The following CAVIN1 variants were observed in gnomAD, a reference collection of about 807,000 sequenced individuals.
The protein encoded by CAVIN1 is caveolae associated protein 1.
CAVIN1 carries 16 observed loss-of-function variants against 24.0 expected under a neutral mutation model. The ratio of observed to expected loss-of-function variants is 0.67; its 90% CI spans 0.45 to 1.01. The LOEUF (loss-of-function observed/expected upper bound fraction) is 1.01, where lower values mean the gene tolerates loss of function less well. Among genes scored for constraint, CAVIN1 ranks in the 50% least tolerant of loss-of-function variants. CAVIN1 has a pLI of 0.00. For missense variants in CAVIN1, 510 were observed against 551.7 expected (o/e 0.92, Z 0.76); for synonymous variants, 256 against 256.4 (o/e 1.00, Z 0.02).
At chr17:42,417,049 T>C (rs2085516130) in intron 1 of CAVIN1, among the ~76,000 whole-genome samples, 1 of 152,142 alleles carries the variant, frequency 6.6e-6, no homozygotes, top group Admixed American at 6.6e-5. Flanking sequence ...CTGGTCCATA[T>C]GTAGGTCACT....
chr17:42,410,987 G>T (rs1187003873), intron 1 of CAVIN1, among the ~76,000 whole-genome samples: 1 of 146,454 alleles, frequency 6.8e-6, no homozygotes, highest in South Asian at 2.2e-4. Flanking sequence ...TGGGAGGCGG[G>T]GCAGATCACC....
intron 1 of CAVIN1, among the ~76,000 whole-genome samples, chr17:42,419,528 C>G (rs998581436): frequency 6.6e-6 from 1 of 152,042 alleles, no homozygotes; most frequent in Non-Finnish European, 1.5e-5. Flanking sequence ...CCAGGCTGGT[C>G]TCGAACTACT....
At chr17:42,410,165 G>A in intron 1 of CAVIN1, among the ~76,000 whole-genome samples, 1 of 152,176 alleles carries the variant, frequency 6.6e-6, no homozygotes, top group East Asian at 1.9e-4. Context: ...AGGGAGAAGG[G>A]ACAGATGCCA....
intron 1 of CAVIN1, among the ~76,000 whole-genome samples, chr17:42,420,376 C>T (rs1272986465): frequency 3.3e-5 from 5 of 152,216 alleles, no homozygotes; most frequent in Non-Finnish European, 5.9e-5. Flanking sequence ...TTTCCTCCAG[C>T]AGCCGGGTCC....
chr17:42,420,733 C>T (rs2085539947), intron 1 of CAVIN1, among the ~76,000 whole-genome samples: 1 of 152,172 alleles, frequency 6.6e-6, no homozygotes, highest in Non-Finnish European at 1.5e-5. Flanking sequence ...CCCTCCATAC[C>T]TTTCCCTCTT....
In CAVIN1 at chr17:42,405,191, G is replaced by A. The variant is rs887456000; in HGVS notation, c.669C>T (p.Arg223=). Residue 223 remains arginine (R), a synonymous_variant, in exon 2 of 2, where the codon CGC becomes CGT. Transcript: ENST00000357037. Reference sequence around the variant, plus strand: ...AGTCGTCCACGCGCCGCAGGCCGCTGCGCTTGATACGCTCTGCGCGGGACT... The same window carrying A: ...AGTCGTCCACGCGCCGCAGGCCGCTACGCTTGATACGCTCTGCGCGGGACT... The part of the protein sequence containing the change: ...IEESRAERIK[R]SGLRRVDDFK... The A allele has an allele frequency of 1.9e-6, 3 of 1,614,078 alleles. No individual in the cohort carries two copies. The highest frequency in any genetic ancestry group is 2.5e-6 in the Non-Finnish European group (3 of 1,180,002).
In CAVIN1 at chr17:42,404,441, A is replaced by G; in HGVS notation, c.*246T>C. ...CTCTGAGATCCCGACTTGGACAACC[A>G]GGACAGGGATTGACCATTCCCTTCC... On this transcript the variant is annotated 3_prime_UTR_variant, in exon 2 of 2. Transcript: ENST00000357037. 2 of 367,474 alleles carry G rather than the reference A, an allele frequency of 5.4e-6. No homozygotes were observed. Among genetic ancestry groups the G allele is most frequent in the Non-Finnish European group, 9.7e-6 (2 of 205,256 alleles). 22.8% of individuals were successfully genotyped at this position (367,474 alleles called of 1,614,324 possible).
chr17:42,421,824 A>C (rs1034248263), intron 1 of CAVIN1, among the ~76,000 whole-genome samples: 2 of 151,976 alleles, frequency 1.3e-5, no homozygotes, highest in African/African-American at 4.8e-5. Flanking sequence ...CACCTCGCCC[A>C]GACTGCGCCC....
chr17:42,405,696 T>TGTTTG (rs1304235747), intron 1 of CAVIN1, among the ~76,000 whole-genome samples: 3 of 37,866 alleles, frequency 7.9e-5, no homozygotes, highest in African/African-American at 1.5e-4. Flanking sequence ...TTTTTTTTTT[T>TGTTTG]TTTTTTTTTA....
intron 1 of CAVIN1, among the ~76,000 whole-genome samples, chr17:42,415,597 G>C (rs1384805061): frequency 2.0e-5 from 3 of 152,204 alleles, no homozygotes; most frequent in Middle Eastern, 3.4e-3. Context: ...TGTAGTCCTA[G>C]CTACTTGGGG....
chr17:42,405,565 G>A (rs2085439405), intron 1 of CAVIN1, among the ~76,000 whole-genome samples, 177 bp from the exon 2 acceptor site: 1 of 152,014 alleles, frequency 6.6e-6, no homozygotes, highest in South Asian at 2.1e-4. Context: ...TAGCGCTGTG[G>A]GAGACCGAGG....
In CAVIN1 at chr17:42,403,093, C is replaced by G. The variant is rs987418178; in HGVS notation, c.*1594G>C. On this transcript the variant is annotated 3_prime_UTR_variant, in exon 2 of 2. Coordinates refer to ENST00000357037, the MANE Select transcript of CAVIN1 (RefSeq NM_012232.6). ...GAAGGATTTTTTCCTTTTTAAACAG[C>G]GTATCACTCTGTTGCCTAGGATGGA... The G allele has an allele frequency of 6.6e-6, 1 of 152,266 alleles. No homozygotes were observed. Among genetic ancestry groups the G allele is most frequent in the Non-Finnish European group, 1.5e-5 (1 of 68,114 alleles). 9.4% of individuals were successfully genotyped at this position (152,266 alleles called of 1,614,324 possible).
chr17:42,417,034 T>C (rs1178655379), intron 1 of CAVIN1, among the ~76,000 whole-genome samples: 1 of 152,168 alleles, frequency 6.6e-6, no homozygotes, highest in Non-Finnish European at 1.5e-5. Flanking sequence ...GATGGGCCTT[T>C]GCTGCTGGTC....
chr17:42,417,315 G>A (rs1303325891), intron 1 of CAVIN1, among the ~76,000 whole-genome samples: 1 of 152,018 alleles, frequency 6.6e-6, no homozygotes, highest in Non-Finnish European at 1.5e-5. Context: ...TATTAGCCAG[G>A]CATGGTGGCT....
In CAVIN1 at chr17:42,423,124, C is replaced by A; in HGVS notation, c.-27G>T. On this transcript the variant is annotated 5_prime_UTR_variant, in exon 1 of 2. Coordinates refer to ENST00000357037, the MANE Select transcript of CAVIN1 (RefSeq NM_012232.6). ...GCTACCCGGAGCCGTGCGGGACCGGCCGGGTGGGGCTGGAGCTGGAGCGGG... is the reference window on the plus strand; with the variant it reads ...GCTACCCGGAGCCGTGCGGGACCGGACGGGTGGGGCTGGAGCTGGAGCGGG... 6.7e-7 allele frequency: 1 copy of A among 1,500,252 alleles called. No homozygotes were observed. Among genetic ancestry groups the A allele is most frequent in the Non-Finnish European group, 9.0e-7 (1 of 1,115,092 alleles). The allele number at this position is 1,500,252 out of a possible 1,614,324, so 92.9% of individuals were successfully genotyped here. A position where few individuals can be genotyped will look rare whatever the true frequency, so the allele number is the denominator to read the frequency against.
intron 1 of CAVIN1, among the ~76,000 whole-genome samples, chr17:42,408,256 C>A (rs1342649441): frequency 6.6e-6 from 1 of 152,002 alleles, no homozygotes; most frequent in Non-Finnish European, 1.5e-5. Flanking sequence ...GCATCCCCCG[C>A]TTCTCCCCTA....
At chr17:42,409,862 G>A (rs192793562) in intron 1 of CAVIN1, among the ~76,000 whole-genome samples, 111 of 152,124 alleles carry the variant, frequency 7.3e-4, no homozygotes, top group African/African-American at 2.6e-3. Flanking sequence ...TCTGTTTCTC[G>A]TTTTTATTAA....
intron 1 of CAVIN1, among the ~76,000 whole-genome samples, chr17:42,413,577 A>AAAAG: frequency 3.1e-5 from 2 of 64,932 alleles, no homozygotes; most frequent in Non-Finnish European, 6.9e-5. Flanking sequence ...AAAAAAAAAA[A>AAAAG]AAAAAAAAAA....
chr17:42,411,205 A>AAAAAAAAAAAAAAAAAAAAAAAG (rs2085475389), intron 1 of CAVIN1, among the ~76,000 whole-genome samples: 1 of 148,032 alleles, frequency 6.8e-6, no homozygotes, highest in Non-Finnish European at 1.5e-5. Flanking sequence ...AAAAAAAAAA[A>AAAAAAAAAAAAAAAAAAAAAAAG]AAAACTAAAA....
Sources: allele counts gnomAD v4.1 joint callset (sites outside exome capture counted in the v4.1 genomes callset), GRCh38; gene constraint gnomAD v4.1.1; transcripts MANE v1.5; gene names NCBI Gene and HGNC (gene_info 2026-07-23, HGNC 2026-07-21).